EPHA3: variants seen among roughly 807,000 people sequenced by gnomAD.
The protein encoded by EPHA3 is EPH receptor A3.
EPHA3 carries 42 observed loss-of-function variants against 107.1 expected under a neutral mutation model. That is an observed-to-expected ratio of 0.39 (90% CI 0.31 to 0.51). The LOEUF (loss-of-function observed/expected upper bound fraction) is 0.51. Among genes scored for constraint, EPHA3 ranks in the 20% least tolerant of loss-of-function variants. EPHA3 has a pLI of 0.78. For missense variants in EPHA3, 1,183 were observed against 1,211.2 expected (o/e 0.98, Z 0.35); for synonymous variants, 461 against 424.8 (o/e 1.09, Z -1.05).
intron 3 of EPHA3, among the ~76,000 whole-genome samples, chr3:89,322,956 T>A (rs1402171936): frequency 6.6e-6 from 1 of 152,128 alleles, no homozygotes; most frequent in African/African-American, 2.4e-5. Flanking sequence ...TTGCCATATA[T>A]CTATTAATAA....
chr3:89,133,819 CAG>C (rs756965617), intron 2 of EPHA3, among the ~76,000 whole-genome samples: 12 of 152,048 alleles, frequency 7.9e-5, no homozygotes, highest in Non-Finnish European at 1.6e-4. Context: ...TGCAGTGGAT[CAG>C]ACCAGCAGCA....
chr3:89,110,521 G>A (rs770210687), intron 1 of EPHA3, among the ~76,000 whole-genome samples: 3 of 151,822 alleles, frequency 2.0e-5, no homozygotes, highest in Non-Finnish European at 4.4e-5. Context: ...GGTGATAATA[G>A]GGACTCATCA....
At chr3:89,409,344 G>A (rs1188856438) in intron 9 of EPHA3, among the ~76,000 whole-genome samples, 3 of 151,932 alleles carry the variant, frequency 2.0e-5, no homozygotes, top group African/African-American at 7.2e-5. Context: ...CAATTTTTAT[G>A]CATAAATTAG....
chr3:89,143,018 G>T (rs1025826651), intron 2 of EPHA3, among the ~76,000 whole-genome samples: 5 of 150,720 alleles, frequency 3.3e-5, no homozygotes, highest in African/African-American at 7.3e-5. Context: ...TAATATGAAA[G>T]AATCTAAATA....
At chr3:89,302,593 T>C (rs1015646669) in intron 3 of EPHA3, among the ~76,000 whole-genome samples, 5 of 152,256 alleles carry the variant, frequency 3.3e-5, no homozygotes, top group African/African-American at 1.2e-4. Flanking sequence ...CATATGGTAT[T>C]GATTTCATTT....
chr3:89,453,905 C>T (rs942897765), intron 15 of EPHA3, among the ~76,000 whole-genome samples: 1 of 152,082 alleles, frequency 6.6e-6, no homozygotes, highest in African/African-American at 2.4e-5. Context: ...GGCAGTGTCC[C>T]TCTATTTGTC....
chr3:89,471,743 ATGTG>A (rs1021575884), intron 15 of EPHA3, among the ~76,000 whole-genome samples: 1 of 151,424 alleles, frequency 6.6e-6, no homozygotes, highest in East Asian at 1.9e-4. Context: ...GTGTGTGTGT[ATGTG>A]TGTGTGTATA....
chr3:89,180,958 A>C (rs1301322677), intron 2 of EPHA3, among the ~76,000 whole-genome samples: 1 of 151,980 alleles, frequency 6.6e-6, no homozygotes, highest in Non-Finnish European at 1.5e-5. Flanking sequence ...AGATGTTGAT[A>C]AACCAAGTGA....
At chr3:89,417,909 C>T (rs1243713017) in intron 10 of EPHA3, among the ~76,000 whole-genome samples, 3 of 151,318 alleles carry the variant, frequency 2.0e-5, no homozygotes, top group Admixed American at 6.6e-5. Context: ...GCTTTGAAAA[C>T]AGGGCAAGAG....
At chr3:89,334,654 G>A (rs2107405226) in intron 3 of EPHA3, among the ~76,000 whole-genome samples, 1 of 152,258 alleles carries the variant, frequency 6.6e-6, no homozygotes, top group South Asian at 2.1e-4. Flanking sequence ...CAGATATAGG[G>A]TGCACAAAAT....
chr3:89,200,313 G>T (rs1414029538), intron 2 of EPHA3, among the ~76,000 whole-genome samples: 1 of 152,122 alleles, frequency 6.6e-6, no homozygotes, highest in Non-Finnish European at 1.5e-5. Flanking sequence ...GAATCATTCT[G>T]AAATATGTTT....
intron 2 of EPHA3, among the ~76,000 whole-genome samples, chr3:89,179,804 G>A (rs1338825037): frequency 2.0e-5 from 3 of 151,768 alleles, no homozygotes; most frequent in African/African-American, 7.3e-5. Flanking sequence ...GTAGATACAT[G>A]TTCCCAGCAG....
intron 6 of EPHA3, among the ~76,000 whole-genome samples, chr3:89,398,325 C>A (rs1453935147): frequency 6.6e-6 from 1 of 152,106 alleles, no homozygotes; most frequent in Non-Finnish European, 1.5e-5. Context: ...AGAGAAAAAA[C>A]GTAATTCTTG....
intron 10 of EPHA3, among the ~76,000 whole-genome samples, chr3:89,413,739 G>C (rs549029086): frequency 6.6e-6 from 1 of 151,488 alleles, no homozygotes; most frequent in African/African-American, 2.4e-5. Context: ...ATAATATAAG[G>C]TGCTCCATTT....
chr3:89,422,751 T>C (rs1285526338), intron 11 of EPHA3, among the ~76,000 whole-genome samples: 1 of 151,478 alleles, frequency 6.6e-6, no homozygotes, highest in Non-Finnish European at 1.5e-5. Flanking sequence ...ATTATTGTTA[T>C]TCGATTGTGT....
At chr3:89,179,667 T>TAAAAAAAA (rs11391439) in intron 2 of EPHA3, among the ~76,000 whole-genome samples, 1 of 143,598 alleles carries the variant, frequency 7.0e-6, no homozygotes, top group Non-Finnish European at 1.5e-5. Context: ...TTAAAGTCTG[T>TAAAAAAAA]AAAAAAAAAA....
chr3:89,206,071 G>A (rs775733209), intron 2 of EPHA3, among the ~76,000 whole-genome samples: 3 of 152,078 alleles, frequency 2.0e-5, no homozygotes, highest in Non-Finnish European at 4.4e-5. Context: ...GCTAGAGTTA[G>A]AGACTTGTTG....
chr3:89,438,769 T>G (rs1245436081), intron 13 of EPHA3, among the ~76,000 whole-genome samples: 1 of 152,188 alleles, frequency 6.6e-6, no homozygotes, highest in Non-Finnish European at 1.5e-5. Context: ...TTATGATCAA[T>G]ATGAATATGC....
In EPHA3 at chr3:89,392,591, G is replaced by GTT. The variant is rs11434626; in HGVS notation, c.1307-3237_1307-3236dup. 3.2e-3 allele frequency among the ~76,000 whole-genome samples: 478 copies of GTT among 149,794 alleles called. 2 individuals are homozygous for GTT. Among genetic ancestry groups the GTT allele is most frequent in the African/African-American group, 0.011 (464 of 40,906 alleles). ...TTTTCCAGTCTTAAGGAAGTTGAAA[G>GTT]TTTTTTTTTTCCATTTTGTTTAACC... On this transcript the variant is annotated intron_variant, in intron 5 of 16. Transcript: ENST00000336596.
Sources: allele counts gnomAD v4.1 joint callset (sites outside exome capture counted in the v4.1 genomes callset), GRCh38; gene constraint gnomAD v4.1.1; transcripts MANE v1.5; gene names NCBI Gene and HGNC (gene_info 2026-07-23, HGNC 2026-07-21).